Variants in ATR observed in about 807,000 individuals in gnomAD.
The protein encoded by ATR is ATR checkpoint kinase, also known as serine/threonine-protein kinase ATR.
ATR carries 142 observed loss-of-function variants against 305.3 expected under a neutral mutation model. That is an observed-to-expected ratio of 0.47 (90% confidence interval 0.41 to 0.53). The LOEUF is 0.53. Ranked by LOEUF, ATR falls within the 20% of genes least tolerant of loss-of-function variation. ATR has a pLI of 0.00. For missense variants in ATR, 2,135 were observed against 3,133.1 expected (o/e 0.68, Z 7.60); for synonymous variants, 1,050 against 1,068.1 (o/e 0.98, Z 0.33).
At chr3:142,489,398 C>A (rs1233550964) in intron 35 of ATR, among the ~76,000 whole-genome samples, 1 of 152,158 alleles carries the variant, frequency 6.6e-6, no homozygotes, top group Non-Finnish European at 1.5e-5. Flanking sequence ...ATGGAACCAT[C>A]ATTCCAGTCA....
rs773969994 is a variant in ATR at position 142,522,785 on chromosome 3, A to G, written c.4209T>C (p.Ala1403=). ...AYGLLMELTR[A]YLAYADNSRA... ...GGCTATTATCAGCATACGCAAGGTA[A>G]GCTCTTGTTAGCTCCATCAATAATC... The change falls in exon 23 of 47, where the codon GCT becomes GCC. Residue 1403 remains alanine, a synonymous_variant. Coordinates refer to ENST00000350721, the MANE Select transcript of ATR (RefSeq NM_001184.4). The G allele has an allele frequency of 6.2e-7, 1 of 1,613,956 alleles. No individual in the cohort carries two copies. Among genetic ancestry groups the G allele is most frequent in the Non-Finnish European group, 8.5e-7 (1 of 1,179,916 alleles).
intron 35 of ATR, among the ~76,000 whole-genome samples, chr3:142,487,350 T>C (rs1239935986): frequency 6.6e-6 from 1 of 152,182 alleles, no homozygotes; most frequent in Non-Finnish European, 1.5e-5. Context: ...TTTCCTAGGC[T>C]GGCCTTGAAC....
intron 16 of ATR, among the ~76,000 whole-genome samples, chr3:142,545,699 C>T (rs1053417521): frequency 6.6e-6 from 1 of 151,958 alleles, no homozygotes; most frequent in African/African-American, 2.4e-5. Flanking sequence ...GAAAGATGAT[C>T]ATTATTTGTG....
chr3:142,461,841 A>G, intron 42 of ATR, 99 bp downstream of exon 42: 3 of 1,310,116 alleles, frequency 2.3e-6, no homozygotes, highest in African/African-American at 2.9e-5. Context: ...ACTATAGCTT[A>G]TATCAAAAAA....
chr3:142,531,766 T>C (rs1372372998), intron 21 of ATR, among the ~76,000 whole-genome samples: 1 of 152,232 alleles, frequency 6.6e-6, no homozygotes, highest in Non-Finnish European at 1.5e-5. Context: ...TTTGGGTATA[T>C]ACCCAGTAAT....
chr3:142,450,447 C>T, intron 46 of ATR: 1 of 1,599,626 alleles, frequency 6.3e-7, no homozygotes, highest in Non-Finnish European at 8.5e-7. Context: ...GACTACATCA[C>T]CACAGAGCTA....
At chr3:142,466,293 A>T in intron 40 of ATR, 31 bp downstream of exon 40, 1 of 1,583,160 alleles carries the variant, frequency 6.3e-7, no homozygotes, top group Non-Finnish European at 8.7e-7. Flanking sequence ...ACTAAATTTT[A>T]AAATCATAGT....
At chr3:142,536,969 T>C (rs2033883326) in intron 19 of ATR, among the ~76,000 whole-genome samples, 1 of 152,206 alleles carries the variant, frequency 6.6e-6, no homozygotes, top group South Asian at 2.1e-4. Flanking sequence ...CTCTAATCTT[T>C]CTGGGTCCAA....
At chr3:142,490,297 C>T (rs1309870988) in intron 35 of ATR, among the ~76,000 whole-genome samples, 1 of 152,192 alleles carries the variant, frequency 6.6e-6, no homozygotes, top group Non-Finnish European at 1.5e-5. Context: ...TTCAAGTGAT[C>T]CTCAGGCCTC....
chr3:142,574,296 C>T (rs2035366929), intron 1 of ATR, among the ~76,000 whole-genome samples: 2 of 151,530 alleles, frequency 1.3e-5, no homozygotes, highest in Non-Finnish European at 2.9e-5. Flanking sequence ...GAAACCCCGT[C>T]TACAAAAATA....
At chr3:142,495,350 C>G (rs62276439) in intron 34 of ATR, among the ~76,000 whole-genome samples, 10,788 of 152,190 alleles carry the variant, frequency 0.071, 571 homozygotes, top group Middle Eastern at 0.18. Context: ...ACAATAGTTG[C>G]TAAGTATCAA....
Position 142,457,613 on chromosome 3 carries a change from G to A in ATR, c.7646C>T (p.Pro2549Leu). ...TMRLMRDQRE[P>L]LMSVLKTFLH... ...AAGTATAGGTGATTACCTCATTAAA[G>A]GCTCTCGCTGATCACGCATCAGCCT... The change falls in exon 45 of 47, where the codon CCT becomes CTT. Residue 2549 changes from proline to leucine, a missense_variant. Coordinates refer to ENST00000350721, the MANE Select transcript of ATR (RefSeq NM_001184.4). 1 of 1,613,902 alleles carries A rather than the reference G, an allele frequency of 6.2e-7. No homozygotes were observed. The highest frequency in any genetic ancestry group is 8.5e-7 in the Non-Finnish European group (1 of 1,179,932).
chr3:142,480,638 G>A (rs1276676311), intron 36 of ATR, among the ~76,000 whole-genome samples: 2 of 152,198 alleles, frequency 1.3e-5, no homozygotes, highest in African/African-American at 4.8e-5. Flanking sequence ...ATTTAAGTCT[G>A]CAGAGGTTTC....
chr3:142,485,068 T>C (rs2108310260), intron 36 of ATR, 72 bp downstream of exon 36: 1 of 1,580,822 alleles, frequency 6.3e-7, no homozygotes, highest in Non-Finnish European at 8.7e-7. Context: ...TGCTAAGACA[T>C]GTGATAACAG....
At chr3:142,457,454 G>A in intron 45 of ATR, 150 bp downstream of exon 45, 1 of 903,296 alleles carries the variant, frequency 1.1e-6, no homozygotes, top group Non-Finnish European at 1.6e-6. Context: ...GTGAATTTAT[G>A]GTATATAAAT....
At chr3:142,456,665 C>G (rs900170540) in intron 45 of ATR, among the ~76,000 whole-genome samples, 4 of 151,970 alleles carry the variant, frequency 2.6e-5, no homozygotes, top group East Asian at 1.9e-4. Context: ...AAATGGCCAA[C>G]AAAGACATGA....
intron 46 of ATR, chr3:142,450,912 C>T: frequency 8.0e-7 from 1 of 1,246,910 alleles, no homozygotes; most frequent in Admixed American, 3.5e-5. Context: ...AAAATAGCAG[C>T]TCACCCATTA....
intron 41 of ATR, among the ~76,000 whole-genome samples, chr3:142,463,555 C>A (rs936457109): frequency 2.0e-5 from 3 of 152,170 alleles, no homozygotes; most frequent in African/African-American, 7.2e-5. Flanking sequence ...CACCACCATG[C>A]CTGGCTAATT....
intron 13 of ATR, 47 bp downstream of exon 13, chr3:142,553,179 TA>T: frequency 6.3e-7 from 1 of 1,583,636 alleles, no homozygotes; most frequent in Non-Finnish European, 8.7e-7. Context: ...TTGTAACTCT[TA>T]AAAAGTACTG....
Sources: allele counts gnomAD v4.1 joint callset (sites outside exome capture counted in the v4.1 genomes callset), GRCh38; gene constraint gnomAD v4.1.1; transcripts MANE v1.5; gene names NCBI Gene and HGNC (gene_info 2026-07-23, HGNC 2026-07-21).